The following PROCA1 variants were observed in gnomAD, a reference collection of about 807,000 sequenced individuals.
The protein encoded by PROCA1 is protein PROCA1.
Under a neutral mutation model 23.2 loss-of-function variants are expected in PROCA1, and 22 were observed. The observed-to-expected ratio is 0.95, with a 90% confidence interval of 0.68 to 1.35. PROCA1 has a LOEUF of 1.35. Ranked by LOEUF, PROCA1 falls within the 40% of genes most tolerant of loss-of-function variation. The pLI is 0.00. For synonymous variants in PROCA1, 182 were observed against 179.2 expected (o/e 1.02, Z -0.12); for missense variants, 469 against 459.8 (o/e 1.02, Z -0.18).
chr17:28,710,091 T>C (rs1464651275), intron 1 of PROCA1, among the ~76,000 whole-genome samples: 1 of 152,140 alleles, frequency 6.6e-6, no homozygotes, highest in Non-Finnish European at 1.5e-5. Context: ...TTACTCAATC[T>C]GGACTCCACA....
rs769738771 is a variant in PROCA1 at position 28,711,618 on chromosome 17, C to A, written c.43G>T (p.Glu15Ter). The change falls in exon 1 of 5, where the codon GAA (glutamate) becomes TAA (stop). Residue 15 changes from glutamate to a stop codon, truncating the protein, a stop_gained. Coordinates refer to ENST00000682792, the MANE Select transcript of PROCA1 (RefSeq NM_001366301.1). LOFTEE classifies it high-confidence loss of function. The part of the protein sequence containing the change: ...TTLTIERWTK[E>*]KTEPKARSWD... The stretch of plus-strand genomic sequence containing the variant: ...GAGCGGGCCTTGGGCTCGGTCTTTT[C>A]CTTAGTCCATCTTTCAATTGTGAGC... 6.2e-7 allele frequency: 1 copy of A among 1,612,688 alleles called. No homozygotes were observed. The highest frequency in any genetic ancestry group is 8.5e-7 in the Non-Finnish European group (1 of 1,179,560).
intron 1 of PROCA1, 98 bp from the exon 2 acceptor site, chr17:28,706,861 C>A (rs2032503997): frequency 8.5e-7 from 1 of 1,179,992 alleles, no homozygotes; most frequent in Non-Finnish European, 1.1e-6. Flanking sequence ...CAGGCCCTCG[C>A]TGCATCCTGG....
chr17:28,706,443 A>G (rs1300824512), intron 2 of PROCA1: 2 of 238,308 alleles, frequency 8.4e-6, no homozygotes, highest in Non-Finnish European at 1.8e-5. Flanking sequence ...GGGCGGACTC[A>G]ATTCACATAT....
Position 28,704,731 on chromosome 17 carries a change from G to A in PROCA1, c.288C>T (p.Val96=). Residue 96 remains valine (V), a synonymous_variant, in exon 3 of 5, where the codon GTC becomes GTT. Coordinates refer to ENST00000682792, the MANE Select transcript of PROCA1 (RefSeq NM_001366301.1). ...CVRHSLHLHS[V]NHCNCNSRLK... is the part of the protein sequence containing the mutation. Reference sequence around the variant, plus strand: ...ACCTAGAATTACAGTTGCAGTGGTTGACAGAGTGTAGGTGCAGGCTGTGGC... The same window carrying A: ...ACCTAGAATTACAGTTGCAGTGGTTAACAGAGTGTAGGTGCAGGCTGTGGC... 1.2e-6 allele frequency: 2 copies of A among 1,614,152 alleles called. No individual in the cohort carries two copies. Among genetic ancestry groups the A allele is most frequent in the Non-Finnish European group, 1.7e-6 (2 of 1,179,996 alleles).
rs202213450 is a variant in PROCA1 at position 28,710,529 on chromosome 17, A to G, written c.91+1041T>C. 1.0e-3 allele frequency among the ~76,000 whole-genome samples: 145 copies of G among 142,182 alleles called. 1 individual carries two copies. Among genetic ancestry groups the G allele is most frequent in the South Asian group, 2.3e-3 (10 of 4,360 alleles). The allele number at this position is 142,182 out of a possible 152,430, so 93.3% of individuals were successfully genotyped here. A position where few individuals can be genotyped will look rare whatever the true frequency, so the allele number is the denominator to read the frequency against. On this transcript the variant is annotated intron_variant, in intron 1 of 4. Transcript: ENST00000682792. ...CTCAAAAAAAAAAAAAAAAAAAAAA[A>G]GCACACATGCAGGGTCAGAGCCTGT...
chr17:28,710,922 T>G (rs1302411650), intron 1 of PROCA1: 1 of 1,275,226 alleles, frequency 7.8e-7, no homozygotes. Context: ...GCCGAGGAGC[T>G]CTCCTCGACC....
intron 1 of PROCA1, 71 bp from the exon 2 acceptor site, chr17:28,706,834 C>T (rs923465162): frequency 1.7e-5 from 22 of 1,289,756 alleles, no homozygotes; most frequent in Admixed American, 9.3e-5. Flanking sequence ...AAACATACCC[C>T]GAGAAACTCC....
Position 28,704,315 on chromosome 17 carries a change from C to T in PROCA1, c.432G>A (p.Arg144=), listed in dbSNP as rs913763341. 6.2e-7 allele frequency: 1 copy of T among 1,612,624 alleles called. No individual in the cohort carries two copies. The highest frequency in any genetic ancestry group is 1.3e-5 in the African/African-American group (1 of 74,912). ...CACCGGGGCTCACTCACCAGCCATA[C>T]CGGAATCGCTCCACATGCTCCTCCT... is the stretch of plus-strand genomic sequence containing the variant. ...TPEEEHVERF[R]YGWCKSYRPV... is the part of the protein sequence containing the mutation. The change falls in exon 4 of 5, where the codon CGG becomes CGA. Residue 144 remains arginine (R), a synonymous_variant. Coordinates refer to ENST00000682792, the MANE Select transcript of PROCA1 (RefSeq NM_001366301.1).
chr17:28,703,523 G>C lies in PROCA1; in HGVS notation c.*35C>G, dbSNP rs749422498. The stretch of plus-strand genomic sequence containing the variant: ...GCAGCAGAGGGCCAGCCACAGGCTC[G>C]ATGGCATTTATTCTGCACCCTGACC... On this transcript the variant is annotated 3_prime_UTR_variant, in exon 5 of 5. Transcript: ENST00000682792. 1.3e-6 allele frequency: 2 copies of C among 1,581,662 alleles called. No individual in the cohort carries two copies. The highest frequency in any genetic ancestry group is 1.7e-6 in the Non-Finnish European group (2 of 1,162,300).
Position 28,703,262 on chromosome 17 carries a change from T to A in PROCA1, c.*296A>T. The A allele has an allele frequency of 2.4e-6, 1 of 414,300 alleles. No homozygotes were observed. Among genetic ancestry groups the A allele is most frequent in the Admixed American group, 4.1e-5 (1 of 24,642 alleles). The allele number at this position is 414,300 out of a possible 1,614,324, so 25.7% of individuals were successfully genotyped here. A position where few individuals can be genotyped will look rare whatever the true frequency, so the allele number is the denominator to read the frequency against. On this transcript the variant is annotated 3_prime_UTR_variant, in exon 5 of 5. Transcript: ENST00000682792. The stretch of plus-strand genomic sequence containing the variant: ...CAGTACTGCCTGTCCCAGAAGTGGA[T>A]TTCACACAGACCAGTCTCTCGCAGC...
Position 28,711,857 on chromosome 17 carries a change from C to T in PROCA1, c.-197G>A. Reference sequence around the variant, plus strand: ...GCTCCAGGCTGCGTAGTCTTCCCAGCTGGGTCTCAGCGTCAGCCGCGTTCT... The same window carrying T: ...GCTCCAGGCTGCGTAGTCTTCCCAGTTGGGTCTCAGCGTCAGCCGCGTTCT... On this transcript the variant is annotated 5_prime_UTR_variant, in exon 1 of 5. Coordinates refer to ENST00000682792, the MANE Select transcript of PROCA1 (RefSeq NM_001366301.1). 1.9e-6 allele frequency: 1 copy of T among 515,800 alleles called. No homozygotes were observed. The highest frequency in any genetic ancestry group is 2.7e-5 in the South Asian group (1 of 36,434). 32.0% of individuals were successfully genotyped at this position (515,800 alleles called of 1,614,324 possible).
chr17:28,703,650 C>T lies in PROCA1; in HGVS notation c.1003G>A (p.Val335Ile), dbSNP rs573823632. Reference protein sequence around the residue: ...SSSPRKRENTVQAKKTGAKPS... With the variant: ...SSSPRKRENTIQAKKTGAKPS... ...TTTGCCCCTGTCTTTTTGGCCTGGA[C>T]TGTGTTCTCTCTCTTCCTGGGCGAT... Residue 335 changes from valine to isoleucine, a missense_variant, in exon 5 of 5, where the codon GTC (valine) becomes ATC (isoleucine). Coordinates refer to ENST00000682792, the MANE Select transcript of PROCA1 (RefSeq NM_001366301.1). 9.3e-6 allele frequency: 15 copies of T among 1,614,108 alleles called. No homozygotes were observed. The highest frequency in any genetic ancestry group is 1.3e-5 in the Non-Finnish European group (15 of 1,180,056).
chr17:28,704,261 GC>G, intron 4 of PROCA1, 45 bp downstream of exon 4: 1 of 1,584,458 alleles, frequency 6.3e-7, no homozygotes, highest in Non-Finnish European at 8.6e-7. Flanking sequence ...GGGGGGCAGT[GC>G]CCTGTAGAGG....
intron 1 of PROCA1, among the ~76,000 whole-genome samples, chr17:28,708,902 G>A (rs146316451): frequency 0.034 from 5,157 of 152,106 alleles, 307 homozygotes; most frequent in African/African-American, 0.12. Context: ...GGCTGAGGTG[G>A]GAGGATTACC....
Position 28,703,844 on chromosome 17 carries a change from G to T in PROCA1, c.809C>A (p.Pro270Gln). The change falls in exon 5 of 5, where the codon CCG becomes CAG. Residue 270 changes from proline to glutamine, a missense_variant. Coordinates refer to ENST00000682792, the MANE Select transcript of PROCA1 (RefSeq NM_001366301.1). ...TGGCGGGGAAGGCTCCAATTTAACC[G>T]GGCTTTTCTTCTTAGTCAACTGGCC... is the stretch of plus-strand genomic sequence containing the variant. ...KKGQLTKKKS[P>Q]VKLEPSPPDV... 1 of 1,614,064 alleles carries T rather than the reference G, an allele frequency of 6.2e-7. No homozygotes were observed. The highest frequency in any genetic ancestry group is 8.5e-7 in the Non-Finnish European group (1 of 1,180,028).
chr17:28,704,717 C>G lies in PROCA1; in HGVS notation c.302G>C (p.Cys101Ser), dbSNP rs751847926. The G allele has an allele frequency of 4.3e-6, 7 of 1,613,974 alleles. No individual in the cohort carries two copies. The highest frequency in any genetic ancestry group is 1.1e-5 in the South Asian group (1 of 91,088). ...GGGGGCGGGCCCTCACCTAGAATTA[C>G]AGTTGCAGTGGTTGACAGAGTGTAG... The part of the protein sequence containing the change: ...LHLHSVNHCN[C>S]NSRLKDSSED... The change falls in exon 3 of 5, where the codon TGT becomes TCT. Residue 101 changes from cysteine (C) to serine (S), a missense_variant. Cys to Ser is a moderately radical substitution (Grantham distance 112). Transcript: ENST00000682792.
At chr17:28,711,190 C>A (rs1374828870) in intron 1 of PROCA1, 1 of 1,167,410 alleles carries the variant, frequency 8.6e-7, no homozygotes, top group East Asian at 5.5e-5. Context: ...CCGCTCCCGC[C>A]CCGGCGTCCG....
chr17:28,706,136 T>G (rs1307443233), intron 2 of PROCA1: 1 of 156,292 alleles, frequency 6.4e-6, no homozygotes, highest in Non-Finnish European at 1.4e-5. Context: ...ATGGGTGATC[T>G]GTGTCTCTCT....
chr17:28,709,689 C>A (rs536276900), intron 1 of PROCA1, among the ~76,000 whole-genome samples: 1 of 152,028 alleles, frequency 6.6e-6, no homozygotes, highest in African/African-American at 2.4e-5. Context: ...TCACGTTCAG[C>A]TCCATATGCA....
Sources: gnomAD v4.1 joint callset for allele counts (sites outside exome capture counted in the v4.1 genomes callset) on GRCh38, gnomAD v4.1.1 for gene constraint, MANE v1.5 for transcripts, NCBI Gene and HGNC (gene_info 2026-07-23, HGNC 2026-07-21) for gene names.